PDE4DIP: variants seen among roughly 807,000 people sequenced by gnomAD.
The protein encoded by PDE4DIP is myomegalin.
PDE4DIP carries 59 observed loss-of-function variants against 221.4 expected under a neutral mutation model. That is an observed-to-expected ratio of 0.27 (90% CI 0.22 to 0.33). The LOEUF (loss-of-function observed/expected upper bound fraction) is 0.33, where lower values mean the gene tolerates loss of function less well. PDE4DIP is among the 10% of genes least tolerant of loss of function. PDE4DIP has a pLI of 1.00. For synonymous variants in PDE4DIP, 404 were observed against 815.9 expected, an observed-to-expected ratio of 0.50 and a Z score of 8.60; for missense variants, 1,036 against 2,154.2, an observed-to-expected ratio of 0.48 and a Z score of 10.28.
At chr1:148,939,055 C>A (rs139711565) in intron 5 of PDE4DIP, among the ~76,000 whole-genome samples, 160 of 124,126 alleles carry the variant, frequency 1.3e-3, no homozygotes, top group African/African-American at 4.8e-3. Flanking sequence ...AGCCACCACA[C>A]CTGGCCATAA....
chr1:148,979,276 A>C (rs1439186028), intron 19 of PDE4DIP, among the ~76,000 whole-genome samples: 3 of 152,176 alleles, frequency 2.0e-5, no homozygotes, highest in African/African-American at 7.2e-5. Context: ...TATAGCACTT[A>C]TTACACTCAC....
intron 14 of PDE4DIP, among the ~76,000 whole-genome samples, chr1:148,970,578 G>A (rs1378659448): frequency 6.6e-6 from 1 of 151,324 alleles, no homozygotes; most frequent in Non-Finnish European, 1.5e-5. Context: ...AGATTGTGGA[G>A]CTCAACTCCA....
At position 149,016,930 on chromosome 1, in the gene PDE4DIP, C is replaced by A. The variant is rs587743076; in HGVS notation, c.5518+380C>A. ...AGGAAAGGGTGTAAGGGTGCAGCTC[C>A]CTGACCCTGCAAATATATCCTGTGC... is the stretch of plus-strand genomic sequence containing the variant. On this transcript the variant is annotated intron_variant, in intron 33 of 43. Transcript: ENST00000369354. 9.5e-3 allele frequency among the ~76,000 whole-genome samples: 1,445 copies of A among 152,350 alleles called. 68 individuals are homozygous for A. The highest frequency in any genetic ancestry group is 0.086 in the Admixed American group (1,318 of 15,280).
At chr1:148,977,682 A>G (rs1160648913) in intron 17 of PDE4DIP, among the ~76,000 whole-genome samples, 1 of 152,232 alleles carries the variant, frequency 6.6e-6, no homozygotes, top group African/African-American at 2.4e-5. Flanking sequence ...CAGTATCATA[A>G]TAAGCTTGTT....
At chr1:149,019,557 G>A (rs1327752621) in intron 35 of PDE4DIP, 1 of 152,146 alleles carries the variant, frequency 6.6e-6, no homozygotes, top group African/African-American at 2.4e-5. Flanking sequence ...TAAGAAAGAG[G>A]GCAGAACTAC....
exon 18 of PDE4DIP, chr1:148,978,031 A>G: frequency 6.2e-7 from 1 of 1,613,622 alleles, no homozygotes; most frequent in Non-Finnish European, 8.5e-7. Context: ...AGGAACATAC[A>G]GATTAAAGAA....
chr1:148,979,837 C>G (rs1478977830), exon 20 of PDE4DIP: 1 of 1,612,834 alleles, frequency 6.2e-7, no homozygotes. Context: ...AAGTTCCATG[C>G]CCATCCAGAG....
intron 32 of PDE4DIP, among the ~76,000 whole-genome samples, chr1:149,015,839 G>T (rs1778161): frequency 6.6e-6 from 1 of 150,976 alleles, no homozygotes; most frequent in South Asian, 2.1e-4. Flanking sequence ...AAACTCCAAC[G>T]TGGAACGGAC....
intron 2 of PDE4DIP, among the ~76,000 whole-genome samples, chr1:148,867,973 C>A (rs1184283033): frequency 1.3e-5 from 2 of 150,552 alleles, no homozygotes; most frequent in Non-Finnish European, 3.0e-5. Context: ...AGGTCTCAGA[C>A]AGCCTTGCTC....
At chr1:148,964,258 G>A (rs760664265) in intron 9 of PDE4DIP, among the ~76,000 whole-genome samples, 15 of 151,836 alleles carry the variant, frequency 9.9e-5, no homozygotes, top group African/African-American at 1.5e-4. Flanking sequence ...ACAGGCATGC[G>A]CCACCACGCC....
intron 16 of PDE4DIP, among the ~76,000 whole-genome samples, chr1:148,973,064 G>A (rs372543581): frequency 1.5e-4 from 21 of 137,922 alleles, no homozygotes; most frequent in African/African-American, 5.8e-4. Flanking sequence ...CCCAGAATCA[G>A]CCATTATCCT....
At chr1:148,954,131 A>G (rs1466056257) in intron 5 of PDE4DIP, among the ~76,000 whole-genome samples, 2 of 152,204 alleles carry the variant, frequency 1.3e-5, no homozygotes, top group African/African-American at 4.8e-5. Flanking sequence ...CTTTCCCATT[A>G]TCAAAATTGT....
At chr1:148,944,739 C>T (rs369082123) in intron 5 of PDE4DIP, among the ~76,000 whole-genome samples, 18 of 151,386 alleles carry the variant, frequency 1.2e-4, no homozygotes, top group Non-Finnish European at 1.9e-4. Flanking sequence ...GGTGTGGTGA[C>T]GCGTGCCTGT....
chr1:149,002,954 C>T (rs782476002), exon 25 of PDE4DIP: 1 of 715,604 alleles, frequency 1.4e-6, no homozygotes, highest in Non-Finnish European at 2.5e-6. Context: ...GCAAACAACG[C>T]TATCAAGATC....
intron 1 of PDE4DIP, among the ~76,000 whole-genome samples, chr1:148,890,855 C>T (rs1553436604): frequency 6.4e-5 from 3 of 46,750 alleles, no homozygotes; most frequent in Non-Finnish European, 1.0e-4. Context: ...CCTCAGCCTC[C>T]ACTGTTGTTG....
chr1:148,820,558 A>G (rs1352535663), intron 1 of PDE4DIP, among the ~76,000 whole-genome samples: 6 of 117,610 alleles, frequency 5.1e-5, no homozygotes, highest in African/African-American at 2.3e-4. Flanking sequence ...TCCATCTCAA[A>G]AAAAAAAAAA....
chr1:148,864,281 T>C (rs1276691589), intron 2 of PDE4DIP, among the ~76,000 whole-genome samples: 1 of 135,074 alleles, frequency 7.4e-6, no homozygotes, highest in Non-Finnish European at 1.6e-5. Flanking sequence ...ATAAATAAAA[T>C]GGGTATAATG....
chr1:149,009,396 C>T (rs1386330301), intron 29 of PDE4DIP, 172 bp from the exon 33 acceptor site: 4 of 597,746 alleles, frequency 6.7e-6, no homozygotes, highest in Non-Finnish European at 1.2e-5. Flanking sequence ...TAGCTATTCT[C>T]TCTCCATCTA....
chr1:148,929,232 A>G, exon 2 of PDE4DIP: 1 of 1,613,566 alleles, frequency 6.2e-7, no homozygotes, highest in Non-Finnish European at 8.5e-7. Flanking sequence ...AGAGCTTGAA[A>G]CGAGAACTCC....
Sources: gnomAD v4.1 joint callset for allele counts (sites outside exome capture counted in the v4.1 genomes callset) on GRCh38, gnomAD v4.1.1 for gene constraint, MANE v1.5 for transcripts, NCBI Gene and HGNC (gene_info 2026-07-23, HGNC 2026-07-21) for gene names.